The following RAP1A variants were observed in gnomAD, a reference collection of about 807,000 sequenced individuals.
RAP1A encodes the protein ras-related protein Rap-1A.
RAP1A carries 6 observed loss-of-function variants against 26.4 expected under a neutral mutation model. That is an observed-to-expected ratio of 0.23 (90% CI 0.12 to 0.45). RAP1A has a LOEUF of 0.45. Among genes scored for constraint, RAP1A ranks in the 20% least tolerant of loss-of-function variants. The pLI is 0.99. For synonymous variants in RAP1A, 73 were observed against 79.4 expected (o/e 0.92, Z 0.43); for missense variants, 121 against 217.2 (o/e 0.56, Z 2.78).
chr1:111,576,272 G>A (rs561306394), intron 1 of RAP1A, among the ~76,000 whole-genome samples: 12 of 152,326 alleles, frequency 7.9e-5, no homozygotes, highest in African/African-American at 2.6e-4. Flanking sequence ...TGAGTCCTAA[G>A]GAGAGTTATA....
Position 111,703,308 on chromosome 1 carries a change from TTATAA to T in RAP1A, c.184-26_184-22del, listed in dbSNP as rs747745093. On this transcript the variant is annotated intron_variant, in intron 4 of 7. Coordinates refer to ENST00000369709, the MANE Select transcript of RAP1A (RefSeq NM_002884.4). ...GTATACATTCAAGAAATTTATATATTTATAATTGCATATTTTTTAAATCATAGGAG... is the reference window on the plus strand; with the variant it reads ...GTATACATTCAAGAAATTTATATATTTTGCATATTTTTTAAATCATAGGAG... 21 of 1,426,568 alleles carry T rather than the reference TTATAA, an allele frequency of 1.5e-5. 1 individual carries two copies. The Admixed American group carries it at 4.8e-4, about 32-fold the overall frequency. The allele number at this position is 1,426,568 out of a possible 1,614,324, so 88.4% of individuals were successfully genotyped here. A position where few individuals can be genotyped will look rare whatever the true frequency, so the allele number is the denominator to read the frequency against.
At chr1:111,651,714 T>C (rs969686211) in intron 1 of RAP1A, among the ~76,000 whole-genome samples, 5 of 151,958 alleles carry the variant, frequency 3.3e-5, no homozygotes, top group African/African-American at 7.3e-5. Context: ...TGACCTCAAG[T>C]GATCTGCCTG....
intron 1 of RAP1A, among the ~76,000 whole-genome samples, chr1:111,623,573 A>G (rs1373103814): frequency 6.6e-6 from 1 of 151,528 alleles, no homozygotes; most frequent in African/African-American, 2.4e-5. Flanking sequence ...CACCCGGCTA[A>G]TTTTTGTATT....
intron 1 of RAP1A, among the ~76,000 whole-genome samples, chr1:111,638,977 G>A (rs1317424776): frequency 1.3e-5 from 2 of 152,042 alleles, no homozygotes; most frequent in Admixed American, 1.3e-4. Flanking sequence ...GCACATCAAA[G>A]TTGCATAGTG....
intron 1 of RAP1A, among the ~76,000 whole-genome samples, chr1:111,583,450 G>A (rs371551397): frequency 2.4e-4 from 34 of 142,184 alleles, no homozygotes; most frequent in East Asian, 1.4e-3. Context: ...CAGCCTGGGC[G>A]ACACAGCAAG....
intron 1 of RAP1A, among the ~76,000 whole-genome samples, chr1:111,624,249 T>G (rs891840402): frequency 6.6e-6 from 1 of 152,230 alleles, no homozygotes; most frequent in African/African-American, 2.4e-5. Flanking sequence ...TGAAAAAGAT[T>G]AGCATTAAAC....
intron 1 of RAP1A, among the ~76,000 whole-genome samples, chr1:111,586,408 C>T (rs1355590273): frequency 6.6e-6 from 1 of 152,176 alleles, no homozygotes; most frequent in African/African-American, 2.4e-5. Context: ...CATTGTGAAA[C>T]CCCATCTCCA....
intron 1 of RAP1A, among the ~76,000 whole-genome samples, chr1:111,601,538 T>C (rs981693335): frequency 6.6e-6 from 1 of 152,192 alleles, no homozygotes; most frequent in African/African-American, 2.4e-5. Flanking sequence ...AGGTTGCTAT[T>C]ACTCTAGAAA....
At chr1:111,576,810 C>T (rs1658154889) in intron 1 of RAP1A, among the ~76,000 whole-genome samples, 1 of 152,204 alleles carries the variant, frequency 6.6e-6, no homozygotes, top group Non-Finnish European at 1.5e-5. Flanking sequence ...AGGTAGGCCT[C>T]CACGTGGCCT....
intron 1 of RAP1A, among the ~76,000 whole-genome samples, chr1:111,639,324 A>T (rs1659823595): frequency 1.3e-5 from 2 of 152,252 alleles, no homozygotes; most frequent in South Asian, 2.1e-4. Flanking sequence ...TCTGAATTAG[A>T]ATCCGATTTT....
chr1:111,680,325 C>T (rs1333870051), intron 1 of RAP1A, among the ~76,000 whole-genome samples: 1 of 152,188 alleles, frequency 6.6e-6, no homozygotes, highest in Non-Finnish European at 1.5e-5. Flanking sequence ...GGGTGGCCAG[C>T]TTTTATTCCC....
chr1:111,628,373 C>T lies in RAP1A; in HGVS notation c.-28+8439C>T, dbSNP rs181717032. 5.5e-3 allele frequency among the ~76,000 whole-genome samples: 832 copies of T among 152,206 alleles called. 3 individuals are homozygous for T. The highest frequency in any genetic ancestry group is 8.5e-3 in the Non-Finnish European group (579 of 68,000). On this transcript the variant is annotated intron_variant, in intron 1 of 7. Transcript: ENST00000369709. ...CATGTGCCAAGATAGAAAGAAAGTT[C>T]AGGAGAAGTTGGAGGACAGGTGATT...
chr1:111,563,437 A>T (rs973382687), intron 1 of RAP1A, among the ~76,000 whole-genome samples: 5 of 152,216 alleles, frequency 3.3e-5, no homozygotes, highest in Non-Finnish European at 5.9e-5. Flanking sequence ...AAGTTCTCCA[A>T]GGCCAGATTG....
At chr1:111,579,997 T>C (rs1343235079) in intron 1 of RAP1A, among the ~76,000 whole-genome samples, 1 of 152,110 alleles carries the variant, frequency 6.6e-6, no homozygotes, top group African/African-American at 2.4e-5. Flanking sequence ...GGTTTCACCA[T>C]GTTGACCAGG....
rs147024184 is a variant in RAP1A, at chr1:111,708,003, T to C, written c.469-1146T>C. 8.3e-3 allele frequency among the ~76,000 whole-genome samples: 1,261 copies of C among 152,206 alleles called. 24 individuals are homozygous for C. The highest frequency in any genetic ancestry group is 0.029 in the African/African-American group (1,216 of 41,530). On this transcript the variant is annotated intron_variant, in intron 6 of 7. Transcript: ENST00000369709. ...CAGCCTGGACAACATTGCAAAACCCTTGTCTGTACGAAAAATACAAAAATT... is the reference window on the plus strand; with the variant it reads ...CAGCCTGGACAACATTGCAAAACCCCTGTCTGTACGAAAAATACAAAAATT...
chr1:111,709,303 T>A lies in RAP1A; in HGVS notation c.*29+39T>A, dbSNP rs1383348010. The A allele has an allele frequency of 4.6e-6, 7 of 1,526,590 alleles. No individual in the cohort carries two copies. In the African/African-American group the frequency reaches 7.0e-5, roughly 15 times the overall value. The allele number at this position is 1,526,590 out of a possible 1,614,324, so 94.6% of individuals were successfully genotyped here. Reference sequence around the variant, plus strand: ...AGCAGAACAAGTGCCTTTCTCATGCTCCTATTTTGGCTTTTTCCAGACTTT... The same window carrying A: ...AGCAGAACAAGTGCCTTTCTCATGCACCTATTTTGGCTTTTTCCAGACTTT... On this transcript the variant is annotated intron_variant, in intron 7 of 7. Transcript: ENST00000369709.
upstream of RAP1A, among the ~76,000 whole-genome samples, chr1:111,615,171 A>T (rs192451456): frequency 1.1e-4 from 16 of 152,218 alleles, no homozygotes; most frequent in Admixed American, 8.5e-4. Context: ...GAAAAGTGGG[A>T]TGGAGATACA....
intron 1 of RAP1A, among the ~76,000 whole-genome samples, chr1:111,560,157 C>G (rs952611132): frequency 6.6e-6 from 1 of 152,178 alleles, no homozygotes; most frequent in Admixed American, 6.5e-5. Flanking sequence ...CTAGCATTCT[C>G]TTAGCATACT....
At chr1:111,607,377 A>G (rs1266461635) in intron 1 of RAP1A, among the ~76,000 whole-genome samples, 1 of 152,166 alleles carries the variant, frequency 6.6e-6, no homozygotes, top group Non-Finnish European at 1.5e-5. Context: ...TTTTCTTAGT[A>G]CAGAACAAAA....
Sources: allele counts gnomAD v4.1 joint callset (sites outside exome capture counted in the v4.1 genomes callset), GRCh38; gene constraint gnomAD v4.1.1; transcripts MANE v1.5; gene names NCBI Gene and HGNC (gene_info 2026-07-23, HGNC 2026-07-21).